CELF2: variants seen among roughly 807,000 people sequenced by gnomAD.
CELF2 encodes CUGBP Elav-like family member 2, also known as CUG triplet repeat RNA-binding protein 2.
In CELF2, 8 loss-of-function variants were observed where a neutral mutation model predicts 62.6. The observed-to-expected ratio is 0.13, with a 90% CI of 0.07 to 0.23. The LOEUF (loss-of-function observed/expected upper bound fraction) is 0.23, where lower values mean the gene tolerates loss of function less well. CELF2 is among the 10% of genes least tolerant of loss of function. The probability of loss-of-function intolerance (pLI) is 1.00; values close to 1 mark genes in which losing one functional copy is unlikely to be tolerated. For missense variants in CELF2, 333 were observed against 671.0 expected, an observed-to-expected ratio of 0.50 and a Z score of 5.56; for synonymous variants, 258 against 250.0, an observed-to-expected ratio of 1.03 and a Z score of -0.30.
chr10:10,526,308 A>T, the CELF2 span, among the ~76,000 whole-genome samples: 1 of 152,250 alleles, frequency 6.6e-6, no homozygotes, highest in African/African-American at 2.4e-5. Context: ...TTGCATAAAC[A>T]TTTCCCTGAA....
chr10:10,999,406 T>G (rs1010496965), intron 2 of CELF2, among the ~76,000 whole-genome samples: 1 of 152,140 alleles, frequency 6.6e-6, no homozygotes, highest in Admixed American at 6.6e-5. Flanking sequence ...CAGAGGGTGA[T>G]ATAGAAAGGT....
the CELF2 span, among the ~76,000 whole-genome samples, chr10:10,767,657 A>C: frequency 6.6e-6 from 1 of 152,100 alleles, no homozygotes; most frequent in Non-Finnish European, 1.5e-5. Flanking sequence ...GGCCATATGA[A>C]TCACTTCATC....
At chr10:10,944,570 G>A (rs927416441) in intron 2 of CELF2, among the ~76,000 whole-genome samples, 13 of 152,152 alleles carry the variant, frequency 8.5e-5, no homozygotes, top group South Asian at 6.2e-4. Flanking sequence ...GGTAGTGAGC[G>A]GCACAGAATA....
chr10:10,659,803 TTCAGCTAC>T, the CELF2 span, among the ~76,000 whole-genome samples: 1 of 152,156 alleles, frequency 6.6e-6, no homozygotes, highest in Non-Finnish European at 1.5e-5. Flanking sequence ...AACTGTACCC[TTCAGCTAC>T]TCAGATCCAC....
At chr10:10,777,040 C>T in the CELF2 span, among the ~76,000 whole-genome samples, 1 of 152,206 alleles carries the variant, frequency 6.6e-6, no homozygotes, top group Non-Finnish European at 1.5e-5. Context: ...GGTTTTCATT[C>T]CCATGCGCTA....
At chr10:10,654,929 G>C in the CELF2 span, among the ~76,000 whole-genome samples, 1 of 145,820 alleles carries the variant, frequency 6.9e-6, no homozygotes, top group African/African-American at 2.5e-5. Flanking sequence ...AAGTCAAATT[G>C]TCCCTGTTTG....
the CELF2 span, among the ~76,000 whole-genome samples, chr10:10,612,652 A>T: frequency 1.3e-5 from 2 of 152,190 alleles, no homozygotes; most frequent in African/African-American, 4.8e-5. Flanking sequence ...ACATCTTCAA[A>T]GTAATGGGTT....
chr10:11,318,255 T>C lies in CELF2; in HGVS notation c.1097-2934T>C, dbSNP rs2095185470. ...AACCACCCTCCCAGATTTTCCACGA[T>C]AGTTGTGGTTTAAAATATTCTCAGT... On this transcript the variant is annotated intron_variant, in intron 10 of 12. Transcript: ENST00000633077. The surrounding 1 kb of genome is among the most constrained non-coding windows in gnomAD (Gnocchi z 5.4). The C allele has an allele frequency of 6.5e-6, 1 of 154,960 alleles. No individual in the cohort carries two copies. The highest frequency in any genetic ancestry group is 2.4e-5 in the African/African-American group (1 of 41,456). 9.6% of individuals were successfully genotyped at this position (154,960 alleles called of 1,614,324 possible). A position where few individuals can be genotyped will look rare whatever the true frequency, so the allele number is the denominator to read the frequency against.
chr10:10,618,887 G>C, the CELF2 span, among the ~76,000 whole-genome samples: 2 of 152,142 alleles, frequency 1.3e-5, no homozygotes, highest in African/African-American at 2.4e-5. Flanking sequence ...AGCTGAGCTT[G>C]AGGAGATAGC....
chr10:11,264,834 G>A (rs2081707178), intron 5 of CELF2, among the ~76,000 whole-genome samples: 1 of 152,214 alleles, frequency 6.6e-6, no homozygotes. Flanking sequence ...TTCATCAGCT[G>A]CCATGCTGTC....
chr10:11,045,845 A>G (rs1373793739), intron 1 of CELF2, among the ~76,000 whole-genome samples: 1 of 152,206 alleles, frequency 6.6e-6, no homozygotes, highest in Non-Finnish European at 1.5e-5. Context: ...CTATTTAAAG[A>G]ACAAAAAATA....
At position 11,194,588 on chromosome 10, in the gene CELF2, A is replaced by C. The variant is rs182089389; in HGVS notation, c.272-22837A>C. On this transcript the variant is annotated intron_variant, in intron 2 of 12. Transcript: ENST00000633077. ...TAGGAGGAAAGGCAAAGCGAGCTGC[A>C]CAAAGGGAAGATGGCCCGTAGCCTT... Among the ~76,000 whole-genome samples the C allele has an allele frequency of 4.6e-3, 698 of 152,294 alleles. 8 individuals are homozygous for C. The highest frequency in any genetic ancestry group is 0.016 in the African/African-American group (666 of 41,556).
the CELF2 span, among the ~76,000 whole-genome samples, chr10:10,757,520 A>G: frequency 6.6e-6 from 1 of 152,218 alleles, no homozygotes; most frequent in Non-Finnish European, 1.5e-5. Context: ...AATGACAATG[A>G]CACACATGCA....
At chr10:11,027,969 G>A (rs1247937049) in intron 1 of CELF2, among the ~76,000 whole-genome samples, 1 of 152,162 alleles carries the variant, frequency 6.6e-6, no homozygotes, top group Non-Finnish European at 1.5e-5. Context: ...GCATTTCCCG[G>A]GAGAATCAAA....
At chr10:10,543,571 G>C in the CELF2 span, among the ~76,000 whole-genome samples, 1 of 152,216 alleles carries the variant, frequency 6.6e-6, no homozygotes, top group Non-Finnish European at 1.5e-5. Flanking sequence ...AATAGGCTGG[G>C]TGTGGTGGGT....
At position 11,224,839 on chromosome 10, in the gene CELF2, G is replaced by C. The variant is rs546734021; in HGVS notation, c.354+7332G>C. Among the ~76,000 whole-genome samples, 1 of 152,144 alleles carries C rather than the reference G, an allele frequency of 6.6e-6. No individual in the cohort carries two copies. The highest frequency in any genetic ancestry group is 2.4e-5 in the African/African-American group (1 of 41,426). On this transcript the variant is annotated intron_variant, in intron 3 of 12. Transcript: ENST00000633077. The surrounding 1 kb of genome is among the most constrained non-coding windows in gnomAD (Gnocchi z 4.5). ...TACAGCATGGGTAGATGTGGAGAGA[G>C]TTCTCCCAGGAACACCAAGGTTCTT...
At chr10:11,072,441 A>G (rs149193471) in intron 1 of CELF2, among the ~76,000 whole-genome samples, 19 of 152,346 alleles carry the variant, frequency 1.2e-4, no homozygotes, top group African/African-American at 4.6e-4. Flanking sequence ...TGCTAAGACC[A>G]TGACCATAGT....
chr10:11,042,858 G>C (rs575121955), intron 1 of CELF2, among the ~76,000 whole-genome samples: 1 of 152,146 alleles, frequency 6.6e-6, no homozygotes, highest in Non-Finnish European at 1.5e-5. Flanking sequence ...CCATGTTACA[G>C]TGTATCTCAG....
intron 1 of CELF2, among the ~76,000 whole-genome samples, chr10:11,131,670 C>T (rs1044478816): frequency 5.3e-5 from 8 of 152,220 alleles, no homozygotes; most frequent in Non-Finnish European, 1.0e-4. Flanking sequence ...GTGGCAGTAG[C>T]CATGGGCTGC....
Sources: allele counts gnomAD v4.1 joint callset (sites outside exome capture counted in the v4.1 genomes callset), GRCh38; gene constraint gnomAD v4.1.1; non-coding constraint Gnocchi (gnomAD v3.1); transcripts MANE v1.5; gene names NCBI Gene and HGNC (gene_info 2026-07-23, HGNC 2026-07-21).